MCOLN2: variants seen among roughly 807,000 people sequenced by gnomAD.
MCOLN2 encodes the protein mucolipin TRP cation channel 2, also known as mucolipin-2.
MCOLN2 carries 57 observed loss-of-function variants against 67.5 expected under a neutral mutation model. That is an observed-to-expected ratio of 0.84 (90% CI 0.68 to 1.05). The LOEUF (loss-of-function observed/expected upper bound fraction) is 1.05, where lower values mean the gene tolerates loss of function less well. MCOLN2 is among the 50% of genes least tolerant of loss of function. The probability of loss-of-function intolerance (pLI) is 0.00; values close to 1 mark genes in which losing one functional copy is unlikely to be tolerated. For missense variants in MCOLN2, 620 were observed against 678.8 expected, an observed-to-expected ratio of 0.91 and a Z score of 0.96; for synonymous variants, 246 against 233.3, an observed-to-expected ratio of 1.05 and a Z score of -0.50.
chr1:84,974,416 G>T (rs1649895151), intron 1 of MCOLN2, among the ~76,000 whole-genome samples: 1 of 151,512 alleles, frequency 6.6e-6, no homozygotes, highest in Non-Finnish European at 1.5e-5. Flanking sequence ...AAAGAAGAGT[G>T]GGGAGGACTT....
chr1:84,957,962 A>C (rs1189807116), intron 3 of MCOLN2, among the ~76,000 whole-genome samples: 3 of 152,238 alleles, frequency 2.0e-5, no homozygotes, highest in Non-Finnish European at 4.4e-5. Context: ...CAAGTCTACT[A>C]ATCTGCTTTC....
At chr1:84,951,014 G>T (rs2102833142) in intron 6 of MCOLN2, among the ~76,000 whole-genome samples, 2 of 152,266 alleles carry the variant, frequency 1.3e-5, no homozygotes, top group South Asian at 4.1e-4. Flanking sequence ...CATCCTTGCA[G>T]ACCAAACTCC....
chr1:84,966,742 A>G (rs1251234927), intron 1 of MCOLN2, among the ~76,000 whole-genome samples: 1 of 152,222 alleles, frequency 6.6e-6, no homozygotes, highest in East Asian at 1.9e-4. Context: ...GGACTCAGGA[A>G]TGGGCACATG....
At chr1:84,956,727 A>G (rs1557646527) in intron 3 of MCOLN2, 143 bp from the exon 4 acceptor site, 2 of 670,316 alleles carry the variant, frequency 3.0e-6, no homozygotes, top group Non-Finnish European at 2.4e-6. Context: ...AAAATACTAC[A>G]AAGAAATCTT....
chr1:84,972,306 A>G (rs1030693992), intron 1 of MCOLN2, among the ~76,000 whole-genome samples: 3 of 152,192 alleles, frequency 2.0e-5, no homozygotes, highest in Admixed American at 2.0e-4. Context: ...AATAAATAAG[A>G]GCAATCACAG....
intron 11 of MCOLN2, among the ~76,000 whole-genome samples, chr1:84,935,318 C>T (rs1386301843): frequency 6.6e-6 from 1 of 152,188 alleles, no homozygotes; most frequent in Non-Finnish European, 1.5e-5. Flanking sequence ...CCCAATATAT[C>T]AGCCTGGTGA....
At chr1:84,975,024 T>C (rs1649925162) in intron 1 of MCOLN2, among the ~76,000 whole-genome samples, 1 of 152,162 alleles carries the variant, frequency 6.6e-6, no homozygotes, top group Non-Finnish European at 1.5e-5. Context: ...CACGATACAA[T>C]AGAACACTAG....
chr1:84,978,947 T>G (rs1571029542), intron 1 of MCOLN2, among the ~76,000 whole-genome samples: 1 of 152,240 alleles, frequency 6.6e-6, no homozygotes, highest in East Asian at 1.9e-4. Flanking sequence ...ACTGAAGAAC[T>G]TGGAGTCTGA....
rs559934474 is a variant in MCOLN2, at chr1:84,995,807, A to T, written c.77+989T>A. 6.3e-3 allele frequency among the ~76,000 whole-genome samples: 908 copies of T among 144,450 alleles called. 5 individuals carry two copies. The highest frequency in any genetic ancestry group is 0.015 in the Middle Eastern group (4 of 268). The allele number at this position is 144,450 out of a possible 152,430, so 94.8% of individuals were successfully genotyped here. On this transcript the variant is annotated intron_variant, in intron 1 of 13. Coordinates refer to ENST00000370608, the MANE Select transcript of MCOLN2 (RefSeq NM_153259.4). ...TTTATATCTATTACTCTATTTTTTT[A>T]AAAAAAAACACTTTTGATATGTTCC...
Position 84,940,871 on chromosome 1 carries a change from A to G in MCOLN2, c.960+8T>C. 4.4e-6 allele frequency: 7 copies of G among 1,591,572 alleles called. No individual in the cohort carries two copies. Among genetic ancestry groups the G allele is most frequent in the Non-Finnish European group, 6.0e-6 (7 of 1,162,208 alleles). On this transcript the variant is annotated splice_region_variant and intron_variant, in intron 8 of 13. Transcript: ENST00000370608. ...GAGGGCAGGAAGAGAATGCGAACAC[A>G]CTCTTACCTTCCGTAACCTTAGAGC...
rs1647494076 is a variant in MCOLN2, at chr1:84,937,508, C to G, written c.1335+247G>C. ...ATGATCACCGGGTAACCATGTGACC[C>G]CTTAAGCCAGTCCCAGACAACTATA... On this transcript the variant is annotated intron_variant, in intron 11 of 13. Transcript: ENST00000370608. The G allele has an allele frequency of 3.2e-6, 3 of 925,818 alleles. No homozygotes were observed. In the Admixed American group the frequency reaches 1.3e-4, roughly 40 times the overall value. The allele number at this position is 925,818 out of a possible 1,614,324, so 57.4% of individuals were successfully genotyped here. A position where few individuals can be genotyped will look rare whatever the true frequency, so the allele number is the denominator to read the frequency against.
chr1:84,963,804 T>C lies in MCOLN2; in HGVS notation c.237+1745A>G, dbSNP rs187683893. ...TTCTTGTACAGCCTGCAGAACTAAG[T>C]CAATTAAATATCTTTTCTTCATAAA... is the stretch of plus-strand genomic sequence containing the variant. On this transcript the variant is annotated intron_variant, in intron 2 of 13. Coordinates refer to ENST00000370608, the MANE Select transcript of MCOLN2 (RefSeq NM_153259.4). Among the ~76,000 whole-genome samples the C allele has an allele frequency of 7.9e-5, 12 of 152,350 alleles. No homozygotes were observed. The East Asian group carries it at 2.3e-3, about 29-fold the overall frequency.
chr1:84,964,478 C>T (rs554054969), intron 2 of MCOLN2, among the ~76,000 whole-genome samples: 3 of 123,646 alleles, frequency 2.4e-5, no homozygotes, highest in African/African-American at 9.2e-5. Context: ...GCACCAGGGA[C>T]TGGTTTTGTA....
At chr1:84,931,770 A>C (rs1002757860) in intron 11 of MCOLN2, among the ~76,000 whole-genome samples, 1 of 152,124 alleles carries the variant, frequency 6.6e-6, no homozygotes, top group African/African-American at 2.4e-5. Flanking sequence ...TCATCCCTAC[A>C]ATCCCAGCAC....
At chr1:84,955,864 C>T (rs1648753675) in intron 4 of MCOLN2, among the ~76,000 whole-genome samples, 1 of 152,038 alleles carries the variant, frequency 6.6e-6, no homozygotes, top group African/African-American at 2.4e-5. Flanking sequence ...AATAATGAAA[C>T]ATTATTTTAA....
chr1:84,965,613 G>C lies in MCOLN2; in HGVS notation c.173C>G (p.Ala58Gly). The change falls in exon 2 of 14, where the codon GCC becomes GGC. Residue 58 changes from alanine to glycine, a missense_variant. Transcript: ENST00000370608. ...CAGTTTCCACGGAATCTGGCGTCTG[G>C]CTCGGTATTTTTCACAAGGGCTCAT... is the stretch of plus-strand genomic sequence containing the variant. ...YFMSPCEKYR[A>G]RRQIPWKLGL... The C allele has an allele frequency of 6.2e-7, 1 of 1,614,016 alleles. No homozygotes were observed. The highest frequency in any genetic ancestry group is 8.5e-7 in the Non-Finnish European group (1 of 1,179,950).
At chr1:84,965,949 C>A (rs918534522) in intron 1 of MCOLN2, among the ~76,000 whole-genome samples, 1 of 152,166 alleles carries the variant, frequency 6.6e-6, no homozygotes, top group East Asian at 1.9e-4. Context: ...AGCCACCCAT[C>A]TTGTTCAAAA....
intron 13 of MCOLN2, among the ~76,000 whole-genome samples, chr1:84,927,368 AAAGGTT>A (rs1661215424): frequency 6.6e-6 from 1 of 152,200 alleles, no homozygotes; most frequent in South Asian, 2.1e-4. Flanking sequence ...AGAGGAAGGT[AAAGGTT>A]AACTCTGCAT....
intron 11 of MCOLN2, among the ~76,000 whole-genome samples, chr1:84,936,928 T>G (rs1248466202): frequency 6.6e-6 from 1 of 152,326 alleles, no homozygotes; most frequent in Non-Finnish European, 1.5e-5. Context: ...CCTGGGTTGT[T>G]GTGGGGAGTA....
Sources: gnomAD v4.1 joint callset for allele counts (sites outside exome capture counted in the v4.1 genomes callset) on GRCh38, gnomAD v4.1.1 for gene constraint, MANE v1.5 for transcripts, NCBI Gene and HGNC (gene_info 2026-07-23, HGNC 2026-07-21) for gene names.